The following BCAS1 variants were observed in gnomAD, a reference collection of about 807,000 sequenced individuals.
BCAS1 encodes the protein brain enriched myelin associated protein 1.
In BCAS1, 46 loss-of-function variants were observed where a neutral mutation model predicts 65.4. That is an observed-to-expected ratio of 0.70 (90% CI 0.55 to 0.90). The LOEUF (loss-of-function observed/expected upper bound fraction) is 0.90. Ranked by LOEUF, BCAS1 falls within the 40% of genes least tolerant of loss-of-function variation. BCAS1 has a pLI of 0.00. For synonymous variants in BCAS1, 298 were observed against 293.5 expected (o/e 1.02, Z -0.16); for missense variants, 793 against 771.2 (o/e 1.03, Z -0.33).
intron 8 of BCAS1, among the ~76,000 whole-genome samples, chr20:53,982,429 T>C (rs913326079): frequency 2.6e-5 from 4 of 152,180 alleles, no homozygotes; most frequent in African/African-American, 7.2e-5. Flanking sequence ...ACTCTAGCAA[T>C]AAAGACTATA....
chr20:54,041,909 C>CAA (rs796435949), intron 3 of BCAS1, among the ~76,000 whole-genome samples: 380 of 79,634 alleles, frequency 4.8e-3, no homozygotes, highest in East Asian at 0.012. Flanking sequence ...CTGTCTCCCC[C>CAA]AAAAAAAAAA....
chr20:54,015,713 A>C (rs1233207879), intron 4 of BCAS1, among the ~76,000 whole-genome samples: 1 of 152,200 alleles, frequency 6.6e-6, no homozygotes, highest in Non-Finnish European at 1.5e-5. Context: ...TCTGGGTGGC[A>C]TAGTTTGGAA....
rs780921250 is a variant in BCAS1, at chr20:53,965,923, C to T, written c.1485+983G>A. 8.0e-4 allele frequency among the ~76,000 whole-genome samples: 121 copies of T among 151,684 alleles called. 1 individual carries two copies. Among genetic ancestry groups the T allele is most frequent in the Non-Finnish European group, 1.5e-3 (102 of 67,952 alleles). On this transcript the variant is annotated intron_variant, in intron 10 of 12. Transcript: ENST00000688948. ...AATAATAGTAACTTCCAGTTAGATG[C>T]TGTTGTATGCCAAAATTTGGACGCA... is the stretch of plus-strand genomic sequence containing the variant.
At chr20:53,991,926 A>G (rs927362246) in intron 7 of BCAS1, among the ~76,000 whole-genome samples, 4 of 152,202 alleles carry the variant, frequency 2.6e-5, no homozygotes, top group Admixed American at 1.3e-4. Flanking sequence ...TAATCCTTCT[A>G]CTAACATTCT....
intron 8 of BCAS1, among the ~76,000 whole-genome samples, chr20:53,985,025 G>C (rs888417356): frequency 6.6e-6 from 1 of 152,152 alleles, no homozygotes; most frequent in Non-Finnish European, 1.5e-5. Context: ...CCTCTGTCAT[G>C]AAATGAAGTC....
At chr20:53,973,973 G>C (rs932436285) in intron 9 of BCAS1, among the ~76,000 whole-genome samples, 6 of 152,098 alleles carry the variant, frequency 3.9e-5, no homozygotes, top group Non-Finnish European at 8.8e-5. Context: ...ACCAATCAGT[G>C]CTCTGTGTCT....
chr20:54,006,306 GC>G (rs1176821529), intron 4 of BCAS1, among the ~76,000 whole-genome samples: 22 of 152,184 alleles, frequency 1.4e-4, no homozygotes, highest in Non-Finnish European at 3.2e-4. Context: ...AGGAAAAAAA[GC>G]AAGTCCCCCT....
At position 54,030,949 on chromosome 20, in the gene BCAS1, A is replaced by T. The variant is rs536548533; in HGVS notation, c.143-1977T>A. Among the ~76,000 whole-genome samples the T allele has an allele frequency of 7.0e-4, 106 of 151,640 alleles. 4 individuals carry two copies. The highest frequency in any genetic ancestry group is 1.6e-3 in the Admixed American group (25 of 15,194). ...GATGGATGCATCAGGGTGTAAAGTTAGCAAGTAAGGCTGTTGAAGTGTCAG... is the reference window on the plus strand; with the variant it reads ...GATGGATGCATCAGGGTGTAAAGTTTGCAAGTAAGGCTGTTGAAGTGTCAG... On this transcript the variant is annotated intron_variant, in intron 3 of 12. Transcript: ENST00000688948.
At chr20:54,033,335 C>G (rs2091839467) in intron 3 of BCAS1, among the ~76,000 whole-genome samples, 1 of 149,236 alleles carries the variant, frequency 6.7e-6, no homozygotes. Flanking sequence ...CATGAAAAAC[C>G]ATTCAAAAGA....
chr20:53,951,933 T>G (rs2089540128), intron 12 of BCAS1, among the ~76,000 whole-genome samples: 1 of 152,008 alleles, frequency 6.6e-6, no homozygotes, highest in Non-Finnish European at 1.5e-5. Context: ...GTGCTTTAGA[T>G]GGAATGCTTA....
At chr20:54,039,643 T>G (rs1409091638) in intron 3 of BCAS1, among the ~76,000 whole-genome samples, 1 of 151,478 alleles carries the variant, frequency 6.6e-6, no homozygotes, top group African/African-American at 2.4e-5. Context: ...TGCTCCAACA[T>G]GAGCATATAT....
At chr20:54,065,383 C>T (rs1286306487) in intron 1 of BCAS1, among the ~76,000 whole-genome samples, 1 of 152,142 alleles carries the variant, frequency 6.6e-6, no homozygotes, top group African/African-American at 2.4e-5. Flanking sequence ...TGGAGCACAG[C>T]GTTTCTGGAG....
At chr20:54,070,236 C>G (rs773950050) in intron 1 of BCAS1, among the ~76,000 whole-genome samples, 197 bp downstream of exon 1, 7 of 152,174 alleles carry the variant, frequency 4.6e-5, no homozygotes, top group Non-Finnish European at 1.0e-4. Flanking sequence ...AAACTAAAAA[C>G]TTTGAGATGA....
intron 1 of BCAS1, among the ~76,000 whole-genome samples, chr20:54,059,987 A>G (rs1406875680): frequency 3.3e-5 from 5 of 152,316 alleles, no homozygotes; most frequent in Non-Finnish European, 1.5e-5. Context: ...CTCTGACTTC[A>G]TGGAGCTGAA....
intron 8 of BCAS1, among the ~76,000 whole-genome samples, chr20:53,982,652 C>G (rs1036808964): frequency 5.9e-5 from 9 of 152,126 alleles, no homozygotes; most frequent in Admixed American, 2.6e-4. Context: ...TTTTTCAAAA[C>G]TCTTCAAAAA....
In BCAS1 at chr20:54,028,655, G is replaced by C. The variant is rs1174319662; in HGVS notation, c.460C>G (p.Pro154Ala). The change falls in exon 4 of 13, where the codon CCA becomes GCA. Residue 154 changes from proline (P) to alanine (A), a missense_variant. Pro to Ala is a conservative substitution (Grantham distance 27). Coordinates refer to ENST00000688948, the MANE Select transcript of BCAS1 (RefSeq NM_001366298.2). ...TTGTCTTGGGCCGGGGCGTGCCCTG[G>C]GGTTTTATCTGTGTCCTGCCCCGGT... Reference protein sequence around the residue: ...AGPGQDTDKTPGHAPAQDKVL... With the variant: ...AGPGQDTDKTAGHAPAQDKVL... 1.1e-5 allele frequency: 17 copies of C among 1,614,166 alleles called. No individual in the cohort carries two copies. Among genetic ancestry groups the C allele is most frequent in the Non-Finnish European group, 1.4e-5 (17 of 1,180,028 alleles).
At chr20:53,946,486 G>A (rs931186382) in intron 12 of BCAS1, among the ~76,000 whole-genome samples, 1 of 139,250 alleles carries the variant, frequency 7.2e-6, no homozygotes, top group African/African-American at 2.7e-5. Context: ...TACAGTATAA[G>A]ATTTATATAT....
intron 1 of BCAS1, 125 bp from the exon 2 acceptor site, chr20:54,058,848 C>T: frequency 2.8e-6 from 3 of 1,069,686 alleles, no homozygotes; most frequent in Non-Finnish European, 4.1e-6. Context: ...GAGATCAGAA[C>T]AAATTGCTTG....
At chr20:54,037,858 A>AAGT (rs1568906971) in intron 3 of BCAS1, among the ~76,000 whole-genome samples, 3 of 151,406 alleles carry the variant, frequency 2.0e-5, no homozygotes, top group Admixed American at 1.3e-4. Context: ...AAGATGAACA[A>AAGT]AGTAGACAAA....
Sources: gnomAD v4.1 joint callset for allele counts (sites outside exome capture counted in the v4.1 genomes callset) on GRCh38, gnomAD v4.1.1 for gene constraint, MANE v1.5 for transcripts, NCBI Gene and HGNC (gene_info 2026-07-23, HGNC 2026-07-21) for gene names.